The following LPGAT1 variants were observed in gnomAD, a reference collection of about 807,000 sequenced individuals.
LPGAT1 encodes the protein acyl-CoA:lysophosphatidylglycerol acyltransferase 1.
LPGAT1 carries 11 observed loss-of-function variants against 47.5 expected under a neutral mutation model. The observed-to-expected ratio is 0.23, with a 90% CI of 0.15 to 0.38. The LOEUF (loss-of-function observed/expected upper bound fraction) is 0.38, where lower values mean the gene tolerates loss of function less well. Ranked by LOEUF, LPGAT1 falls within the 10% of genes least tolerant of loss-of-function variation. The pLI, the probability that LPGAT1 is intolerant of heterozygous loss-of-function variation, is 1.00. For missense variants in LPGAT1, 293 were observed against 439.0 expected (o/e 0.67, Z 2.97); for synonymous variants, 138 against 144.2 (o/e 0.96, Z 0.31).
intron 2 of LPGAT1, among the ~76,000 whole-genome samples, chr1:211,824,381 G>A (rs1660467277): frequency 6.6e-6 from 1 of 152,158 alleles, no homozygotes; most frequent in Non-Finnish European, 1.5e-5. Context: ...GGGCAATAGA[G>A]TGAGACTGTC....
chr1:211,753,662 T>C (rs1422393354), intron 6 of LPGAT1, among the ~76,000 whole-genome samples: 2 of 152,228 alleles, frequency 1.3e-5, no homozygotes, highest in Non-Finnish European at 2.9e-5. Context: ...AAAAGGTTAA[T>C]GAACCCCCAT....
At chr1:211,815,296 T>TCTACC (rs1660131719) in intron 2 of LPGAT1, among the ~76,000 whole-genome samples, 1 of 152,180 alleles carries the variant, frequency 6.6e-6, no homozygotes, top group South Asian at 2.1e-4. Context: ...AACTTCCCCA[T>TCTACC]CTACCCAGCA....
At chr1:211,752,108 C>G (rs1161505055) in intron 6 of LPGAT1, among the ~76,000 whole-genome samples, 1 of 152,178 alleles carries the variant, frequency 6.6e-6, no homozygotes, top group African/African-American at 2.4e-5. Flanking sequence ...ATATTCATTG[C>G]TAAGCCACGG....
At chr1:211,773,993 C>T (rs897899443) in intron 6 of LPGAT1, among the ~76,000 whole-genome samples, 20 of 152,140 alleles carry the variant, frequency 1.3e-4, no homozygotes, top group African/African-American at 4.6e-4. Flanking sequence ...CATCTTTTCT[C>T]TTAAAGTAAT....
intron 2 of LPGAT1, among the ~76,000 whole-genome samples, chr1:211,808,711 A>G (rs1659853390): frequency 6.6e-6 from 1 of 151,714 alleles, no homozygotes; most frequent in Non-Finnish European, 1.5e-5. Context: ...CAGAAAACCC[A>G]CTTCTGGATA....
rs373191780 is a variant in LPGAT1, at chr1:211,778,906, T to A, written c.854+12A>T. On this transcript the variant is annotated intron_variant, in intron 6 of 7. Transcript: ENST00000366997. ...GTTGGATATATACTGAGTACTAATA[T>A]AGAATTCTTACCTGTAATGTACATG... 4 of 1,573,806 alleles carry A rather than the reference T, an allele frequency of 2.5e-6. No individual in the cohort carries two copies. The African/African-American group carries it at 5.5e-5, about 22-fold the overall frequency.
At chr1:211,769,649 C>T (rs781072995) in intron 6 of LPGAT1, among the ~76,000 whole-genome samples, 3 of 152,116 alleles carry the variant, frequency 2.0e-5, no homozygotes, top group Non-Finnish European at 4.4e-5. Flanking sequence ...ATACGGTAAA[C>T]AAGGGGTGGA....
chr1:211,777,798 A>C (rs1225512428), intron 6 of LPGAT1, among the ~76,000 whole-genome samples: 4 of 152,198 alleles, frequency 2.6e-5, no homozygotes, highest in Admixed American at 6.5e-5. Flanking sequence ...GCTGAGACCT[A>C]CTCGGCTGCA....
intron 2 of LPGAT1, among the ~76,000 whole-genome samples, chr1:211,811,545 C>G (rs1394706221): frequency 1.3e-5 from 2 of 151,998 alleles, no homozygotes. Flanking sequence ...CTACTTGAGG[C>G]CAGGAGTTCA....
rs573069102 is a variant in LPGAT1, at chr1:211,806,428, T to A, written c.239-13238A>T. On this transcript the variant is annotated intron_variant, in intron 2 of 7. Transcript: ENST00000366997. ...AGCAAATTAACACAGAAACAGAAAA[T>A]CAAATACCGCATGTTCTCACTTATA... Among the ~76,000 whole-genome samples, 75 of 149,900 alleles carry A rather than the reference T, an allele frequency of 5.0e-4. 1 individual carries two copies. Among genetic ancestry groups the A allele is most frequent in the Non-Finnish European group, 9.2e-4 (62 of 67,588 alleles).
At chr1:211,759,727 C>T (rs1157324934) in intron 6 of LPGAT1, among the ~76,000 whole-genome samples, 2 of 152,136 alleles carry the variant, frequency 1.3e-5, no homozygotes, top group African/African-American at 2.4e-5. Context: ...TATCATTCTG[C>T]AAACAATATT....
intron 2 of LPGAT1, among the ~76,000 whole-genome samples, chr1:211,808,479 T>C (rs1659846806): frequency 1.3e-5 from 2 of 152,130 alleles, no homozygotes; most frequent in Non-Finnish European, 2.9e-5. Context: ...TGAAAAGATG[T>C]TCAACATCAT....
chr1:211,751,578 G>A (rs550822102), intron 6 of LPGAT1, among the ~76,000 whole-genome samples: 28 of 152,178 alleles, frequency 1.8e-4, no homozygotes, highest in Non-Finnish European at 3.4e-4. Flanking sequence ...AACTTTTACC[G>A]GTTGGGAGTG....
intron 6 of LPGAT1, among the ~76,000 whole-genome samples, chr1:211,776,827 C>T (rs539006296): frequency 6.6e-6 from 1 of 151,772 alleles, no homozygotes; most frequent in South Asian, 2.1e-4. Flanking sequence ...CGAAACAAAA[C>T]TACAATTTTT....
At chr1:211,797,781 C>T (rs2102563769) in intron 2 of LPGAT1, among the ~76,000 whole-genome samples, 1 of 152,260 alleles carries the variant, frequency 6.6e-6, no homozygotes, top group East Asian at 1.9e-4. Context: ...CAAAAATATT[C>T]TAACACGCTG....
At position 211,751,816 on chromosome 1, in the gene LPGAT1, A is replaced by G. The variant is rs1040567447; in HGVS notation, c.855-749T>C. ...ATGGTTTAAAAAGTCAGCAAAAAAT[A>G]TATTTGTATGAAAAATGGGAGTCCT... On this transcript the variant is annotated intron_variant, in intron 6 of 7. Transcript: ENST00000366997. Among the ~76,000 whole-genome samples, 7 of 152,200 alleles carry G rather than the reference A, an allele frequency of 4.6e-5. No homozygotes were observed. The East Asian group carries it at 1.2e-3, about 25-fold the overall frequency.
chr1:211,746,570 C>G lies in LPGAT1; in HGVS notation c.*3329G>C, dbSNP rs1019797883. The G allele has an allele frequency of 1.3e-5, 2 of 152,040 alleles. No homozygotes were observed. Among genetic ancestry groups the G allele is most frequent in the African/African-American group, 2.4e-5 (1 of 41,394 alleles). 9.4% of individuals were successfully genotyped at this position (152,040 alleles called of 1,614,324 possible). On this transcript the variant is annotated 3_prime_UTR_variant, in exon 8 of 8. Transcript: ENST00000366997. ...TAAATAAAAGTAATTTTTGATTTAC[C>G]TATCATTTATTACCAGATTATCTAT...
chr1:211,744,956 C>T lies in LPGAT1; in HGVS notation c.*4943G>A, dbSNP rs1656886285. ...TCTGGTAAAACACACATGCCCCATC[C>T]CCACTGCTAAGAATTAAAAGCACTT... On this transcript the variant is annotated 3_prime_UTR_variant, in exon 8 of 8. Coordinates refer to ENST00000366997, the MANE Select transcript of LPGAT1 (RefSeq NM_014873.3). 1 of 152,492 alleles carries T rather than the reference C, an allele frequency of 6.6e-6. No homozygotes were observed. Among genetic ancestry groups the T allele is most frequent in the Admixed American group, 6.6e-5 (1 of 15,262 alleles). 9.4% of individuals were successfully genotyped at this position (152,492 alleles called of 1,614,324 possible). A position where few individuals can be genotyped will look rare whatever the true frequency, so the allele number is the denominator to read the frequency against.
At chr1:211,802,534 G>T (rs557464195) in intron 2 of LPGAT1, among the ~76,000 whole-genome samples, 1 of 152,070 alleles carries the variant, frequency 6.6e-6, no homozygotes, top group Admixed American at 6.5e-5. Context: ...AAAAGGACCT[G>T]CTGGAAATTA....
Sources: gnomAD v4.1 joint callset for allele counts (sites outside exome capture counted in the v4.1 genomes callset) on GRCh38, gnomAD v4.1.1 for gene constraint, MANE v1.5 for transcripts, NCBI Gene and HGNC (gene_info 2026-07-23, HGNC 2026-07-21) for gene names.